The following LEMD3 variants were observed in gnomAD, a reference collection of about 807,000 sequenced individuals.
The protein encoded by LEMD3 is LEM domain containing 3, also known as inner nuclear membrane protein Man1.
LEMD3 carries 33 observed loss-of-function variants against 95.2 expected under a neutral mutation model. That is an observed-to-expected ratio of 0.35 (90% CI 0.26 to 0.46). The LOEUF is 0.46. LEMD3 is among the 20% of genes least tolerant of loss of function. The probability of loss-of-function intolerance (pLI) is 1.00; values close to 1 mark genes in which losing one functional copy is unlikely to be tolerated. For synonymous variants in LEMD3, 525 were observed against 474.6 expected (o/e 1.11, Z -1.38); for missense variants, 1,210 against 1,192.8 (o/e 1.01, Z -0.21).
intron 4 of LEMD3, among the ~76,000 whole-genome samples, chr12:65,225,093 T>A (rs756746295): frequency 1.3e-5 from 2 of 152,136 alleles, no homozygotes; most frequent in Non-Finnish European, 2.9e-5. Flanking sequence ...TTAAAAATAT[T>A]TTCTGTCTCT....
intron 1 of LEMD3, among the ~76,000 whole-genome samples, chr12:65,205,949 C>G (rs542089048): frequency 6.6e-6 from 1 of 152,070 alleles, no homozygotes; most frequent in Non-Finnish European, 1.5e-5. Context: ...GAATGACCAT[C>G]TATTTAATAA....
chr12:65,193,731 G>GCT (rs1348019051), intron 1 of LEMD3, among the ~76,000 whole-genome samples: 2 of 38,392 alleles, frequency 5.2e-5, no homozygotes, highest in African/African-American at 2.3e-4. Context: ...AACATAACTG[G>GCT]CTGTGTGTGT....
At position 65,212,820 on chromosome 12, in the gene LEMD3, G is replaced by A. The variant is rs186388283; in HGVS notation, c.1560+1857G>A. ...GTTTGCAGAATTATTAGGGAAGCCAGTAGTTAGACATTTAAGCTGAAATAT... is the reference window on the plus strand; with the variant it reads ...GTTTGCAGAATTATTAGGGAAGCCAATAGTTAGACATTTAAGCTGAAATAT... On this transcript the variant is annotated intron_variant, in intron 2 of 12. Transcript: ENST00000308330. Among the ~76,000 whole-genome samples, 4 of 152,314 alleles carry A rather than the reference G, an allele frequency of 2.6e-5. No individual in the cohort carries two copies. The East Asian group carries it at 7.7e-4, about 29-fold the overall frequency.
At chr12:65,216,611 T>C (rs962841191) in intron 3 of LEMD3, among the ~76,000 whole-genome samples, 2 of 151,926 alleles carry the variant, frequency 1.3e-5, no homozygotes, top group Non-Finnish European at 2.9e-5. Context: ...GCAGCTTATC[T>C]ATTACCTTTT....
At chr12:65,181,532 T>C (rs1218801058) in intron 1 of LEMD3, among the ~76,000 whole-genome samples, 2 of 152,184 alleles carry the variant, frequency 1.3e-5, no homozygotes, top group Non-Finnish European at 2.9e-5. Context: ...GATTTATATA[T>C]TGTGACTTGG....
At chr12:65,210,546 A>G (rs1030828991) in intron 1 of LEMD3, among the ~76,000 whole-genome samples, 5 of 152,142 alleles carry the variant, frequency 3.3e-5, no homozygotes, top group African/African-American at 4.8e-5. Flanking sequence ...CCTGACAACA[A>G]CTGTATAAGG....
At chr12:65,204,479 C>G (rs914780073) in intron 1 of LEMD3, among the ~76,000 whole-genome samples, 3 of 152,124 alleles carry the variant, frequency 2.0e-5, no homozygotes, top group African/African-American at 7.2e-5. Flanking sequence ...TGGCCTCCAG[C>G]CCCATCCACG....
chr12:65,232,735 C>G (rs1156688552), intron 4 of LEMD3, among the ~76,000 whole-genome samples: 1 of 152,040 alleles, frequency 6.6e-6, no homozygotes, highest in South Asian at 2.1e-4. Flanking sequence ...GTTTATATTT[C>G]CGTGAAAATA....
chr12:65,170,106 C>G lies in LEMD3; in HGVS notation c.510C>G (p.Leu170=), dbSNP rs1282253843. The G allele has an allele frequency of 6.9e-7, 1 of 1,458,954 alleles. No individual in the cohort carries two copies. The highest frequency in any genetic ancestry group is 1.4e-5 in the African/African-American group (1 of 69,750). 90.4% of individuals were successfully genotyped at this position (1,458,954 alleles called of 1,614,324 possible). ...KDRASLQYRG[L]KAPPAPLAAS... ...GGGCTTCGCTCCAGTACCGCGGGCT[C>G]AAAGCGCCGCCGGCGCCCCTGGCCG... Residue 170 remains leucine (L), a synonymous_variant, in exon 1 of 13, where the codon CTC becomes CTG. Coordinates refer to ENST00000308330, the MANE Select transcript of LEMD3 (RefSeq NM_014319.5).
intron 4 of LEMD3, among the ~76,000 whole-genome samples, chr12:65,231,353 G>A (rs970667522): frequency 6.6e-6 from 1 of 152,020 alleles, no homozygotes; most frequent in Admixed American, 6.6e-5. Context: ...AAGTCTTAAA[G>A]TACTATTTTT....
intron 1 of LEMD3, among the ~76,000 whole-genome samples, chr12:65,175,221 C>T (rs962934421): frequency 6.6e-5 from 10 of 152,168 alleles, no homozygotes; most frequent in African/African-American, 2.4e-4. Context: ...ACATATTCTG[C>T]AACTTGTTTT....
chr12:65,177,227 G>T (rs918371661), intron 1 of LEMD3, among the ~76,000 whole-genome samples: 1 of 152,156 alleles, frequency 6.6e-6, no homozygotes, highest in African/African-American at 2.4e-5. Context: ...CCTTTAAGAA[G>T]GATAAACAGG....
At chr12:65,200,051 C>G (rs951446370) in intron 1 of LEMD3, among the ~76,000 whole-genome samples, 1 of 151,506 alleles carries the variant, frequency 6.6e-6, no homozygotes, top group African/African-American at 2.4e-5. Context: ...CCCTGCACCC[C>G]CAACCCCTCT....
chr12:65,236,516 A>C (rs1175937065), intron 4 of LEMD3, among the ~76,000 whole-genome samples: 2 of 151,628 alleles, frequency 1.3e-5, no homozygotes, highest in Non-Finnish European at 2.9e-5. Flanking sequence ...GCACCACTGC[A>C]CTCCAGCCTG....
intron 3 of LEMD3, among the ~76,000 whole-genome samples, chr12:65,216,320 T>C (rs2136339470): frequency 6.6e-6 from 1 of 152,106 alleles, no homozygotes; most frequent in Admixed American, 6.5e-5. Context: ...ACAAAAAATC[T>C]GGAAAGCTTA....
intron 1 of LEMD3, among the ~76,000 whole-genome samples, chr12:65,177,488 A>G (rs1371685942): frequency 6.6e-6 from 1 of 152,154 alleles, no homozygotes; most frequent in Non-Finnish European, 1.5e-5. Context: ...TTTGGGGAAA[A>G]GTGGTCTAGG....
rs904058624 is a variant in LEMD3 at position 65,246,447 on chromosome 12, C to T, written c.*122C>T. 5.2e-5 allele frequency: 42 copies of T among 805,520 alleles called. No individual in the cohort carries two copies. The African/African-American group carries it at 5.4e-4, about 10-fold the overall frequency. 49.9% of individuals were successfully genotyped at this position (805,520 alleles called of 1,614,324 possible). A position where few individuals can be genotyped will look rare whatever the true frequency, so the allele number is the denominator to read the frequency against. On this transcript the variant is annotated 3_prime_UTR_variant, in exon 13 of 13. Transcript: ENST00000308330. ...TTTTATTGATGAATACATCTCTGAA[C>T]GTTCCAGAAGTCTTAAGGTTCCAAA...
intron 2 of LEMD3, among the ~76,000 whole-genome samples, chr12:65,211,523 C>T (rs1317433070): frequency 1.3e-5 from 2 of 152,150 alleles, no homozygotes; most frequent in African/African-American, 4.8e-5. Context: ...CCCATCATTA[C>T]AGGGACTTCA....
intron 4 of LEMD3, among the ~76,000 whole-genome samples, chr12:65,238,113 C>T (rs140331645): frequency 1.3e-5 from 2 of 151,868 alleles, no homozygotes; most frequent in Non-Finnish European, 2.9e-5. Flanking sequence ...TCTAAAAGTA[C>T]GAAAAAAGAA....
Sources: gnomAD v4.1 joint callset for allele counts (sites outside exome capture counted in the v4.1 genomes callset) on GRCh38, gnomAD v4.1.1 for gene constraint, MANE v1.5 for transcripts, NCBI Gene and HGNC (gene_info 2026-07-23, HGNC 2026-07-21) for gene names.